ARHGAP11B: variants seen among roughly 807,000 people sequenced by gnomAD.
ARHGAP11B encodes Rho GTPase activating protein 11B, also known as inactive Rho GTPase-activating protein 11B.
Under a neutral mutation model 27.6 loss-of-function variants are expected in ARHGAP11B, and 14 were observed. The observed-to-expected ratio is 0.51, with a 90% CI of 0.34 to 0.79. The LOEUF (loss-of-function observed/expected upper bound fraction) is 0.79, where lower values mean the gene tolerates loss of function less well. ARHGAP11B is among the 30% of genes least tolerant of loss of function. The pLI is 0.02. For missense variants in ARHGAP11B, 245 were observed against 320.1 expected (o/e 0.77, Z 1.79); for synonymous variants, 82 against 114.1 (o/e 0.72, Z 1.80).
chr15:30,634,907 G>T (rs1005656007), intron 4 of ARHGAP11B, among the ~76,000 whole-genome samples, 173 bp from the exon 5 acceptor site: 2 of 151,516 alleles, frequency 1.3e-5, no homozygotes, highest in African/African-American at 4.9e-5. Flanking sequence ...ATATAGAGAG[G>T]CTATATATTT....
chr15:30,632,478 A>G (rs890753692), intron 2 of ARHGAP11B, among the ~76,000 whole-genome samples: 2 of 151,954 alleles, frequency 1.3e-5, no homozygotes, highest in African/African-American at 2.4e-5. Flanking sequence ...TCATATTCCC[A>G]GGAATCATGA....
rs147707549 is a variant in ARHGAP11B, at chr15:30,645,651, G to A, written c.*143-463G>A. On this transcript the variant is annotated intron_variant, in intron 8 of 10. Coordinates refer to ENST00000428041, the Ensembl canonical transcript of ARHGAP11B. Reference sequence around the variant, plus strand: ...AGATTTTGCCCTTTTTTTGTATAGGGATTTGGAGCTAAAATTTCAGGTGAT... The same window carrying A: ...AGATTTTGCCCTTTTTTTGTATAGGAATTTGGAGCTAAAATTTCAGGTGAT... Among the ~76,000 whole-genome samples the A allele has an allele frequency of 1.2e-3, 181 of 152,026 alleles. 2 individuals are homozygous for A. The highest frequency in any genetic ancestry group is 4.2e-3 in the African/African-American group (173 of 41,508).
At position 30,645,850 on chromosome 15, in the gene ARHGAP11B, G is replaced by A. The variant is rs1425639278; in HGVS notation, c.*143-264G>A. The stretch of plus-strand genomic sequence containing the variant: ...ACATTTTGTTATAGTCTAGGTTGTG[G>A]GACAATTCTGCTTTAGACATCTGCT... On this transcript the variant is annotated intron_variant, in intron 8 of 10. Coordinates refer to ENST00000428041, the Ensembl canonical transcript of ARHGAP11B. Among the ~76,000 whole-genome samples, 4 of 151,878 alleles carry A rather than the reference G, an allele frequency of 2.6e-5. No individual in the cohort carries two copies. In the South Asian group the frequency reaches 8.3e-4, roughly 31 times the overall value.
intron 9 of ARHGAP11B, among the ~76,000 whole-genome samples, chr15:30,646,719 C>T (rs1005476770): frequency 6.6e-6 from 1 of 151,328 alleles, no homozygotes; most frequent in African/African-American, 2.4e-5. Flanking sequence ...CCTGTAATCC[C>T]AGCACTTTGG....
At chr15:30,644,327 C>G (rs576759824) in intron 7 of ARHGAP11B, among the ~76,000 whole-genome samples, 13 of 152,022 alleles carry the variant, frequency 8.6e-5, no homozygotes, top group South Asian at 4.2e-4. Context: ...GGCACGGTAC[C>G]CAATAGATAT....
chr15:30,644,508 T>C (rs2060334421), intron 7 of ARHGAP11B: 5 of 564,084 alleles, frequency 8.9e-6, no homozygotes, highest in Non-Finnish European at 1.3e-5. Flanking sequence ...ATCGTTCTTA[T>C]TGTTTTTGGT....
At chr15:30,638,603 T>G (rs564306197) in intron 6 of ARHGAP11B, 143 bp from the exon 7 acceptor site, 4 of 459,832 alleles carry the variant, frequency 8.7e-6, no homozygotes, top group Admixed American at 4.5e-5. Context: ...TTTTCCTATT[T>G]TGAAATAATT....
At chr15:30,647,844 A>C (rs1303014582) in intron 10 of ARHGAP11B, 1 of 166,772 alleles carries the variant, frequency 6.0e-6, no homozygotes, top group Non-Finnish European at 1.5e-5. Flanking sequence ...GACTCTACTC[A>C]TAGGCAATTT....
At chr15:30,639,754 A>T (rs1402768272) in intron 7 of ARHGAP11B, among the ~76,000 whole-genome samples, 3 of 152,056 alleles carry the variant, frequency 2.0e-5, no homozygotes, top group Non-Finnish European at 4.4e-5. Flanking sequence ...GCTGTTGCCA[A>T]GTAATCTCTT....
At chr15:30,649,151 A>G (rs2060370747) in exon 11 of ARHGAP11B, 1 of 151,794 alleles carries the variant, frequency 6.6e-6, no homozygotes. Context: ...CACACATACT[A>G]TTTTTCCTCT....
chr15:30,631,551 C>T (rs2060245480), intron 2 of ARHGAP11B, among the ~76,000 whole-genome samples: 1 of 151,822 alleles, frequency 6.6e-6, no homozygotes, highest in Non-Finnish European at 1.5e-5. Context: ...CCCTGTAGTC[C>T]CAGCTACTCC....
In ARHGAP11B at chr15:30,635,224, C is replaced by T. The variant is rs748401458; in HGVS notation, c.660+36C>T. 3.7e-5 allele frequency: 59 copies of T among 1,606,562 alleles called. 1 individual carries two copies. The highest frequency in any genetic ancestry group is 4.7e-5 in the Non-Finnish European group (55 of 1,174,748). ...AGGCTGCAGTAGTACAGACTCTTAT[C>T]GATTATGCATCAGATATTGGTAAGA... On this transcript the variant is annotated intron_variant, in intron 5 of 10. Transcript: ENST00000428041.
chr15:30,627,342 T>A (rs1402042263), intron 1 of ARHGAP11B, among the ~76,000 whole-genome samples: 1 of 152,072 alleles, frequency 6.6e-6, no homozygotes, highest in Non-Finnish European at 1.5e-5. Context: ...GCCAGCTTAC[T>A]GTATTTGGAA....
intron 1 of ARHGAP11B, among the ~76,000 whole-genome samples, chr15:30,630,389 G>A (rs559637531): frequency 6.6e-6 from 1 of 151,302 alleles, no homozygotes; most frequent in Non-Finnish European, 1.5e-5. Flanking sequence ...ACCAAATTCT[G>A]TTTTAAGAAT....
chr15:30,635,043 G>T, intron 4 of ARHGAP11B, 37 bp from the exon 5 acceptor site: 1 of 1,597,194 alleles, frequency 6.3e-7, no homozygotes, highest in Non-Finnish European at 8.6e-7. Flanking sequence ...GTATTTTCAC[G>T]TTTGGCTCCA....
At chr15:30,648,545 C>T (rs190062314) in exon 11 of ARHGAP11B, among the ~76,000 whole-genome samples, 12 of 152,066 alleles carry the variant, frequency 7.9e-5, no homozygotes, top group Middle Eastern at 3.4e-3. Context: ...TGTAAAATTT[C>T]GATGGAGATG....
At chr15:30,627,481 G>C (rs1028863591) in intron 1 of ARHGAP11B, among the ~76,000 whole-genome samples, 1 of 152,020 alleles carries the variant, frequency 6.6e-6, no homozygotes, top group Non-Finnish European at 1.5e-5. Flanking sequence ...CAGAACATTA[G>C]AAATAGGCTT....
chr15:30,634,386 A>G (rs926530576), exon 4 of ARHGAP11B: 3 of 1,613,082 alleles, frequency 1.9e-6, no homozygotes, highest in African/African-American at 2.7e-5. Flanking sequence ...TCATGTATTA[A>G]GATACTTCTT....
intron 6 of ARHGAP11B, among the ~76,000 whole-genome samples, chr15:30,636,430 G>C (rs1365688059): frequency 6.6e-6 from 1 of 151,948 alleles, no homozygotes; most frequent in Non-Finnish European, 1.5e-5. Context: ...AGAAATCAGA[G>C]GCCATTATTC....
Sources: allele counts gnomAD v4.1 joint callset (sites outside exome capture counted in the v4.1 genomes callset), GRCh38; gene constraint gnomAD v4.1.1; transcripts MANE v1.5; gene names NCBI Gene and HGNC (gene_info 2026-07-23, HGNC 2026-07-21).